Variants in ELMOD1 observed in about 807,000 individuals in gnomAD.
ELMOD1 encodes ELMO domain containing 1.
Under a neutral mutation model 46.7 loss-of-function variants are expected in ELMOD1, and 21 were observed. That is an observed-to-expected ratio of 0.45 (90% CI 0.32 to 0.65). The LOEUF (loss-of-function observed/expected upper bound fraction) is 0.65. Among genes scored for constraint, ELMOD1 ranks in the 30% least tolerant of loss-of-function variants. ELMOD1 has a pLI of 0.04. For synonymous variants in ELMOD1, 122 were observed against 138.2 expected, an observed-to-expected ratio of 0.88 and a Z score of 0.82; for missense variants, 348 against 407.8, an observed-to-expected ratio of 0.85 and a Z score of 1.26.
At chr11:107,642,956 G>T in intron 6 of ELMOD1, 1 of 320,978 alleles carries the variant, frequency 3.1e-6, no homozygotes, top group South Asian at 3.1e-5. Context: ...GGTTATCCTT[G>T]GACATCAAAT....
Position 107,630,517 on chromosome 11 carries a change from A to G in ELMOD1, c.118A>G (p.Ile40Val), listed in dbSNP as rs1866117620. 6.2e-7 allele frequency: 1 copy of G among 1,610,722 alleles called. No individual in the cohort carries two copies. The highest frequency in any genetic ancestry group is 2.2e-5 in the East Asian group (1 of 44,808). Reference protein sequence around the residue: ...KLTGRCELQRICYNTKPGASR... With the variant: ...KLTGRCELQRVCYNTKPGASR... Reference sequence around the variant, plus strand: ...AACTGGAAGATGTGAACTACAACGGATCTGTTATAATACCAAGCCGGGAGC... The same window carrying G: ...AACTGGAAGATGTGAACTACAACGGGTCTGTTATAATACCAAGCCGGGAGC... Residue 40 changes from isoleucine (I) to valine (V), a missense_variant, in exon 3 of 12, where the codon ATC (isoleucine) becomes GTC (valine). By Grantham distance (29) the Ile-to-Val change is conservative (BLOSUM62 3). Coordinates refer to ENST00000265840, the MANE Select transcript of ELMOD1 (RefSeq NM_018712.4).
intron 1 of ELMOD1, among the ~76,000 whole-genome samples, chr11:107,598,263 G>T (rs921083398): frequency 2.0e-5 from 3 of 152,120 alleles, no homozygotes; most frequent in African/African-American, 7.2e-5. Context: ...GAAATCTGGT[G>T]GTGTAATTCC....
At chr11:107,658,147 A>C (rs550534865) in intron 11 of ELMOD1, among the ~76,000 whole-genome samples, 1 of 152,324 alleles carries the variant, frequency 6.6e-6, no homozygotes, top group African/African-American at 2.4e-5. Context: ...TAGAGCTATG[A>C]AGATCAATAA....
intron 1 of ELMOD1, among the ~76,000 whole-genome samples, chr11:107,615,881 C>T (rs1353026379): frequency 6.6e-6 from 1 of 151,618 alleles, no homozygotes; most frequent in African/African-American, 2.4e-5. Context: ...GAGTAAAGTG[C>T]CATTTTCATC....
At chr11:107,633,298 A>G (rs895891985) in intron 5 of ELMOD1, among the ~76,000 whole-genome samples, 8 of 152,232 alleles carry the variant, frequency 5.3e-5, no homozygotes, top group African/African-American at 1.7e-4. Context: ...AAACAAAGAA[A>G]TAGCTTAGAG....
intron 6 of ELMOD1, 106 bp from the exon 7 acceptor site, chr11:107,647,362 G>T: frequency 3.5e-6 from 3 of 850,250 alleles, no homozygotes; most frequent in African/African-American, 1.7e-5. Context: ...TAATGTATAT[G>T]CATACATTCA....
intron 11 of ELMOD1, among the ~76,000 whole-genome samples, chr11:107,659,951 C>G (rs1866705087): frequency 6.6e-6 from 1 of 152,000 alleles, no homozygotes; most frequent in Admixed American, 6.6e-5. Context: ...CAAGAGAATC[C>G]TAGCCCAGAT....
intron 6 of ELMOD1, among the ~76,000 whole-genome samples, chr11:107,641,058 G>A (rs1341374781): frequency 2.0e-5 from 3 of 152,102 alleles, no homozygotes; most frequent in Admixed American, 6.5e-5. Flanking sequence ...TTGGGAAGCC[G>A]AGGAAGGTGG....
rs545292246 is a variant in ELMOD1 at position 107,610,558 on chromosome 11, G to A, written c.-85-7547G>A. On this transcript the variant is annotated intron_variant, in intron 1 of 11. Coordinates refer to ENST00000265840, the MANE Select transcript of ELMOD1 (RefSeq NM_018712.4). Reference sequence around the variant, plus strand: ...GTATGCCTGTAATCTGAGCTACTCGGGAGGCTGAGACACAGAATTGCTTGA... The same window carrying A: ...GTATGCCTGTAATCTGAGCTACTCGAGAGGCTGAGACACAGAATTGCTTGA... Among the ~76,000 whole-genome samples the A allele has an allele frequency of 3.3e-5, 5 of 151,840 alleles. No homozygotes were observed. In the East Asian group the frequency reaches 7.8e-4, roughly 24 times the overall value.
At chr11:107,591,522 G>A (rs1865390440) in intron 1 of ELMOD1, 113 bp downstream of exon 1, 3 of 243,042 alleles carry the variant, frequency 1.2e-5, no homozygotes, top group Admixed American at 5.3e-5. Flanking sequence ...CTGGGAGGCA[G>A]CAGAAATGCT....
At chr11:107,634,982 A>G (rs980967536) in intron 5 of ELMOD1, among the ~76,000 whole-genome samples, 3 of 152,252 alleles carry the variant, frequency 2.0e-5, no homozygotes, top group Non-Finnish European at 4.4e-5. Context: ...AGCGGTCAGA[A>G]TGTAATAGAA....
intron 2 of ELMOD1, 113 bp downstream of exon 2, chr11:107,618,319 T>G: frequency 8.2e-7 from 1 of 1,216,816 alleles, no homozygotes; most frequent in South Asian, 1.3e-5. Flanking sequence ...ACTCCTAAGA[T>G]TCTGTGAAAT....
chr11:107,612,413 A>G (rs1865795578), intron 1 of ELMOD1, among the ~76,000 whole-genome samples: 1 of 152,234 alleles, frequency 6.6e-6, no homozygotes, highest in African/African-American at 2.4e-5. Flanking sequence ...TACTATGCTC[A>G]CTACCTGGGT....
chr11:107,655,573 C>CTTTTTTTTTTTTTTTTTTTTTTTT (rs746890763), intron 10 of ELMOD1, among the ~76,000 whole-genome samples: 2 of 112,470 alleles, frequency 1.8e-5, no homozygotes, highest in Non-Finnish European at 1.7e-5. Flanking sequence ...ATTGAAATGC[C>CTTTTTTTTTTTTTTTTTTTTTTTT]TTTTTTTTTT....
chr11:107,618,099 C>A lies in ELMOD1; in HGVS notation c.-85-6C>A. ...AATATACCTAATATCTAATTTCTTCCCACAGTTGACACTTACTTTGACAAA... is the reference window on the plus strand; with the variant it reads ...AATATACCTAATATCTAATTTCTTCACACAGTTGACACTTACTTTGACAAA... On this transcript the variant is annotated splice_polypyrimidine_tract_variant and splice_region_variant and intron_variant, in intron 1 of 11. Coordinates refer to ENST00000265840, the MANE Select transcript of ELMOD1 (RefSeq NM_018712.4). 1 of 1,401,894 alleles carries A rather than the reference C, an allele frequency of 7.1e-7. No individual in the cohort carries two copies. The highest frequency in any genetic ancestry group is 9.9e-7 in the Non-Finnish European group (1 of 1,011,460). 86.8% of individuals were successfully genotyped at this position (1,401,894 alleles called of 1,614,324 possible).
chr11:107,648,103 G>A (rs1256140242), intron 7 of ELMOD1, among the ~76,000 whole-genome samples: 15 of 152,106 alleles, frequency 9.9e-5, no homozygotes, highest in Non-Finnish European at 1.9e-4. Context: ...ATTCCTTGGC[G>A]TCATCTTTAT....
At position 107,634,906 on chromosome 11, in the gene ELMOD1, G is replaced by T. The variant is rs115398067; in HGVS notation, c.291-730G>T. Among the ~76,000 whole-genome samples, 387 of 152,272 alleles carry T rather than the reference G, an allele frequency of 2.5e-3. 3 individuals carry two copies. Among genetic ancestry groups the T allele is most frequent in the African/African-American group, 8.9e-3 (370 of 41,558 alleles). On this transcript the variant is annotated intron_variant, in intron 5 of 11. Coordinates refer to ENST00000265840, the MANE Select transcript of ELMOD1 (RefSeq NM_018712.4). The stretch of plus-strand genomic sequence containing the variant: ...ATAAATTTGCTCAGAGAACGGAATT[G>T]GAACCACTTTGTAATAAGCAAAGCA...
intron 1 of ELMOD1, among the ~76,000 whole-genome samples, chr11:107,599,161 T>C (rs1865544657): frequency 6.6e-6 from 1 of 152,180 alleles, no homozygotes; most frequent in African/African-American, 2.4e-5. Flanking sequence ...TGTAATTCCA[T>C]GGCTATGCTA....
intron 1 of ELMOD1, among the ~76,000 whole-genome samples, chr11:107,600,048 CT>C (rs912045662): frequency 4.0e-5 from 6 of 150,718 alleles, no homozygotes; most frequent in Admixed American, 1.3e-4. Flanking sequence ...TGGATGGCAC[CT>C]TTTTTTTTAA....
Sources: gnomAD v4.1 joint callset for allele counts (sites outside exome capture counted in the v4.1 genomes callset) on GRCh38, gnomAD v4.1.1 for gene constraint, MANE v1.5 for transcripts, NCBI Gene and HGNC (gene_info 2026-07-23, HGNC 2026-07-21) for gene names.